The following ARIH1 variants were observed in gnomAD, a reference collection of about 807,000 sequenced individuals.
The protein encoded by ARIH1 is ariadne RBR E3 ubiquitin protein ligase 1.
A neutral mutation model predicts 85.0 loss-of-function variants in ARIH1; 8 were observed. The observed-to-expected ratio is 0.09, with a 90% CI of 0.06 to 0.17. The LOEUF is 0.17. ARIH1 is among the 10% of genes least tolerant of loss of function. ARIH1 has a pLI of 1.00. For missense variants in ARIH1, 311 were observed against 718.1 expected (o/e 0.43, Z 6.48); for synonymous variants, 238 against 253.6 (o/e 0.94, Z 0.59).
intron 1 of ARIH1, among the ~76,000 whole-genome samples, chr15:72,476,349 T>A (rs1427572527): frequency 6.6e-6 from 1 of 152,028 alleles, no homozygotes; most frequent in Non-Finnish European, 1.5e-5. Flanking sequence ...AAGAAGGAAG[T>A]TGAGGATTGT....
At chr15:72,543,101 T>G (rs1410497072) in intron 2 of ARIH1, among the ~76,000 whole-genome samples, 1 of 151,486 alleles carries the variant, frequency 6.6e-6, no homozygotes, top group Non-Finnish European at 1.5e-5. Context: ...CCCAGCTAAT[T>G]TTTTTGTATT....
chr15:72,485,791 G>A (rs977965638), intron 1 of ARIH1, among the ~76,000 whole-genome samples: 34 of 151,992 alleles, frequency 2.2e-4, no homozygotes, highest in Admixed American at 1.8e-3. Flanking sequence ...ACAACTCATC[G>A]TTTGATCTTG....
intron 1 of ARIH1, among the ~76,000 whole-genome samples, chr15:72,507,674 A>AAAAT (rs563992634): frequency 6.6e-6 from 1 of 152,282 alleles, no homozygotes; most frequent in African/African-American, 2.4e-5. Context: ...TCTTTAAATA[A>AAAAT]AAATAAATAA....
chr15:72,550,957 C>A (rs1439630468), intron 3 of ARIH1, among the ~76,000 whole-genome samples: 1 of 152,158 alleles, frequency 6.6e-6, no homozygotes, highest in Non-Finnish European at 1.5e-5. Flanking sequence ...CAGGCACGAG[C>A]CACTGTACCC....
At position 72,580,515 on chromosome 15, in the gene ARIH1, T is replaced by C. The variant is rs1473688134; in HGVS notation, c.1216-216T>C. 1.3e-5 allele frequency: 7 copies of C among 528,560 alleles called. No individual in the cohort carries two copies. The East Asian group carries it at 1.6e-4, about 12-fold the overall frequency. The allele number at this position is 528,560 out of a possible 1,614,324, so 32.7% of individuals were successfully genotyped here. A position where few individuals can be genotyped will look rare whatever the true frequency, so the allele number is the denominator to read the frequency against. On this transcript the variant is annotated intron_variant, in intron 11 of 13. Transcript: ENST00000379887. ...TTTTAAGGAACCTCCCCATACCATT[T>C]TCCATAATGGCTATACTAATTTACA...
intron 1 of ARIH1, among the ~76,000 whole-genome samples, chr15:72,512,405 T>C (rs1326283267): frequency 6.6e-6 from 1 of 152,088 alleles, no homozygotes; most frequent in South Asian, 2.1e-4. Context: ...TTTATTGAGT[T>C]GATGAATTTA....
intron 12 of ARIH1, chr15:72,581,373 TTG>T (rs995270531): frequency 5.2e-5 from 9 of 173,758 alleles, no homozygotes; most frequent in African/African-American, 1.7e-4. Flanking sequence ...GTGAGACAAT[TTG>T]TGTTAATTGC....
chr15:72,485,430 A>G (rs1009962069), intron 1 of ARIH1, among the ~76,000 whole-genome samples: 5 of 152,160 alleles, frequency 3.3e-5, no homozygotes, highest in African/African-American at 1.2e-4. Context: ...TGCTTTTGTA[A>G]GAAATCTTTC....
intron 2 of ARIH1, among the ~76,000 whole-genome samples, chr15:72,533,381 TC>T (rs1406430806): frequency 6.6e-6 from 1 of 152,178 alleles, no homozygotes; most frequent in Admixed American, 6.5e-5. Flanking sequence ...CCACCTGTCT[TC>T]AGAAGTGCTG....
intron 1 of ARIH1, among the ~76,000 whole-genome samples, chr15:72,477,753 T>C (rs982386852): frequency 6.6e-6 from 1 of 152,180 alleles, no homozygotes; most frequent in Non-Finnish European, 1.5e-5. Context: ...TTTAAATGCT[T>C]TGTGGCTACC....
chr15:72,565,299 A>C (rs1350412241), intron 7 of ARIH1, among the ~76,000 whole-genome samples: 1 of 152,066 alleles, frequency 6.6e-6, no homozygotes, highest in African/African-American at 2.4e-5. Context: ...CTTGTTGGCC[A>C]GGCTGGTCTT....
In ARIH1 at chr15:72,585,496, C is replaced by T. The variant is rs531740411; in HGVS notation, c.*2204C>T. The T allele has an allele frequency of 2.0e-5, 3 of 151,934 alleles. No individual in the cohort carries two copies. Among genetic ancestry groups the T allele is most frequent in the East Asian group, 3.9e-4 (2 of 5,178 alleles). The allele number at this position is 151,934 out of a possible 1,614,324, so 9.4% of individuals were successfully genotyped here. A position where few individuals can be genotyped will look rare whatever the true frequency, so the allele number is the denominator to read the frequency against. On this transcript the variant is annotated 3_prime_UTR_variant, in exon 14 of 14. Coordinates refer to ENST00000379887, the MANE Select transcript of ARIH1 (RefSeq NM_005744.5). ...GTTGCTATATAGATATATGTGGCTC[C>T]TTTAAAATGCTTTGTGTATGTGTGG... is the stretch of plus-strand genomic sequence containing the variant.
rs1027732774 is a variant in ARIH1 at position 72,590,047 on chromosome 15, G to GTCA, written c.*6758_*6760dup. The GTCA allele has an allele frequency of 1.3e-5, 2 of 152,180 alleles. No homozygotes were observed. The highest frequency in any genetic ancestry group is 4.8e-5 in the African/African-American group (2 of 41,440). 9.4% of individuals were successfully genotyped at this position (152,180 alleles called of 1,614,324 possible). On this transcript the variant is annotated 3_prime_UTR_variant, in exon 14 of 14. Coordinates refer to ENST00000379887, the MANE Select transcript of ARIH1 (RefSeq NM_005744.5). Reference sequence around the variant, plus strand: ...AAATAAAATGGGTAGTTTCCTTGAGGTCATCCTGTTAGTAAGTGGTGGAAT... The same window carrying GTCA: ...AAATAAAATGGGTAGTTTCCTTGAGGTCATCATCCTGTTAGTAAGTGGTGGAAT...
chr15:72,567,275 G>A, intron 9 of ARIH1, 98 bp downstream of exon 9: 1 of 822,260 alleles, frequency 1.2e-6, no homozygotes. Context: ...TACAGGCTTT[G>A]TTTCATCTTT....
In ARIH1 at chr15:72,589,479, A is replaced by G. The variant is rs1248775320; in HGVS notation, c.*6187A>G. 1.3e-5 allele frequency: 2 copies of G among 152,222 alleles called. No homozygotes were observed. The highest frequency in any genetic ancestry group is 2.4e-5 in the African/African-American group (1 of 41,458). 9.4% of individuals were successfully genotyped at this position (152,222 alleles called of 1,614,324 possible). ...TTGGACCCCTAAAGTGGTATTGTCT[A>G]CTATCTGTACATCATTCTCTTACAG... On this transcript the variant is annotated 3_prime_UTR_variant, in exon 14 of 14. Coordinates refer to ENST00000379887, the MANE Select transcript of ARIH1 (RefSeq NM_005744.5).
intron 2 of ARIH1, among the ~76,000 whole-genome samples, chr15:72,540,294 A>C (rs572364689): frequency 6.6e-6 from 1 of 151,246 alleles, no homozygotes; most frequent in East Asian, 1.9e-4. Context: ...TAGTGAAAAA[A>C]TTATATAAAA....
At chr15:72,532,255 A>G (rs561242666) in intron 2 of ARIH1, among the ~76,000 whole-genome samples, 1 of 152,142 alleles carries the variant, frequency 6.6e-6, no homozygotes, top group African/African-American at 2.4e-5. Flanking sequence ...AGGAATGAAA[A>G]CAGAGTATCA....
chr15:72,578,935 C>G (rs2064283919), intron 11 of ARIH1, among the ~76,000 whole-genome samples: 1 of 151,392 alleles, frequency 6.6e-6, no homozygotes, highest in South Asian at 2.1e-4. Context: ...CAGGCACATG[C>G]CACCACGCCC....
At chr15:72,504,904 ACT>A (rs1379361789) in intron 1 of ARIH1, among the ~76,000 whole-genome samples, 9 of 152,130 alleles carry the variant, frequency 5.9e-5, no homozygotes, top group Admixed American at 5.9e-4. Context: ...CCTTTTAGTG[ACT>A]CTAAATAAAG....
Sources: allele counts gnomAD v4.1 joint callset (sites outside exome capture counted in the v4.1 genomes callset), GRCh38; gene constraint gnomAD v4.1.1; transcripts MANE v1.5; gene names NCBI Gene and HGNC (gene_info 2026-07-23, HGNC 2026-07-21).